Variants in PTPRD observed in about 807,000 individuals in gnomAD.
The protein encoded by PTPRD is protein tyrosine phosphatase receptor type D.
Under a neutral mutation model 214.5 loss-of-function variants are expected in PTPRD, and 34 were observed. The ratio of observed to expected loss-of-function variants is 0.16; its 90% CI spans 0.12 to 0.21. The LOEUF is 0.21. Ranked by LOEUF, PTPRD falls within the 10% of genes least tolerant of loss-of-function variation. PTPRD has a pLI of 1.00. For missense variants in PTPRD, 2,545 were observed against 2,398.7 expected (o/e 1.06, Z -1.27); for synonymous variants, 1,128 against 845.7 (o/e 1.33, Z -5.79).
At chr9:9,947,772 C>G (rs1194291541) in intron 4 of PTPRD, among the ~76,000 whole-genome samples, 1 of 145,070 alleles carries the variant, frequency 6.9e-6, no homozygotes. Context: ...AGAGACTTTT[C>G]CTATAACATG....
intron 10 of PTPRD, among the ~76,000 whole-genome samples, chr9:9,046,708 C>T (rs887831039): frequency 6.6e-6 from 1 of 152,042 alleles, no homozygotes; most frequent in African/African-American, 2.4e-5. Context: ...ATCATGCAGG[C>T]AATTTTGTTA....
chr9:10,306,996 A>T (rs1289496246), intron 3 of PTPRD, among the ~76,000 whole-genome samples: 1 of 152,166 alleles, frequency 6.6e-6, no homozygotes, highest in Non-Finnish European at 1.5e-5. Context: ...TGTTAGATGC[A>T]TAGAATATGT....
rs893481493 is a variant in PTPRD at position 10,422,362 on chromosome 9, G to A, written c.-599-81345C>T. The stretch of plus-strand genomic sequence containing the variant: ...ACCTGAAACCATAAAAACCATACAG[G>A]AAAACCTAGGCAATACCATTCAGGA... On this transcript the variant is annotated intron_variant, in intron 2 of 45. Coordinates refer to ENST00000381196, the MANE Select transcript of PTPRD (RefSeq NM_002839.4). 2.6e-5 allele frequency among the ~76,000 whole-genome samples: 4 copies of A among 151,950 alleles called. No homozygotes were observed. The East Asian group carries it at 7.8e-4, about 30-fold the overall frequency.
chr9:10,105,354 T>C (rs995633310), intron 3 of PTPRD, among the ~76,000 whole-genome samples: 4 of 151,862 alleles, frequency 2.6e-5, no homozygotes, highest in Admixed American at 6.6e-5. Context: ...GTTTTTATGA[T>C]TGCTGCAACA....
intron 3 of PTPRD, among the ~76,000 whole-genome samples, chr9:10,217,714 G>C (rs906884599): frequency 6.6e-6 from 1 of 151,956 alleles, no homozygotes; most frequent in East Asian, 1.9e-4. Flanking sequence ...CATGATGTAA[G>C]AAATTCAACT....
At chr9:8,660,146 A>G (rs1036395118) in intron 12 of PTPRD, among the ~76,000 whole-genome samples, 2 of 152,186 alleles carry the variant, frequency 1.3e-5, no homozygotes, top group African/African-American at 4.8e-5. Context: ...CAGTTTCCCC[A>G]AATATTAACC....
chr9:10,378,521 A>G (rs980291681), intron 2 of PTPRD, among the ~76,000 whole-genome samples: 4 of 152,000 alleles, frequency 2.6e-5, no homozygotes, highest in African/African-American at 9.7e-5. Context: ...CTCTAGTTTC[A>G]TTCTTCTGCA....
At chr9:10,391,624 T>C (rs758212810) in intron 2 of PTPRD, among the ~76,000 whole-genome samples, 2 of 151,788 alleles carry the variant, frequency 1.3e-5, no homozygotes, top group African/African-American at 2.4e-5. Flanking sequence ...CTCAAACCTT[T>C]CCTTGCTCCA....
chr9:9,047,345 TTCAATGCAATCTCTA>T (rs2099674763), intron 10 of PTPRD, among the ~76,000 whole-genome samples: 1 of 152,098 alleles, frequency 6.6e-6, no homozygotes, highest in Non-Finnish European at 1.5e-5. Flanking sequence ...AATCTATAGA[TTCAATGCAATCTCTA>T]TCAAAATACC....
At chr9:9,795,289 T>G (rs2098994657) in intron 5 of PTPRD, among the ~76,000 whole-genome samples, 1 of 152,166 alleles carries the variant, frequency 6.6e-6, no homozygotes, top group Non-Finnish European at 1.5e-5. Flanking sequence ...AGTTTTAGAA[T>G]AGTGGGACCT....
intron 2 of PTPRD, among the ~76,000 whole-genome samples, chr9:10,464,205 C>G (rs1200594546): frequency 6.6e-6 from 1 of 152,012 alleles, no homozygotes; most frequent in Non-Finnish European, 1.5e-5. Flanking sequence ...TCAGACCAGC[C>G]TGACCAACAT....
intron 39 of PTPRD, among the ~76,000 whole-genome samples, chr9:8,372,575 A>C (rs997201247): frequency 3.3e-5 from 5 of 152,004 alleles, no homozygotes; most frequent in Non-Finnish European, 7.4e-5. Context: ...TGTACTCTCA[A>C]TGTTGAGATT....
intron 5 of PTPRD, among the ~76,000 whole-genome samples, chr9:9,786,540 A>T (rs2098925541): frequency 1.3e-5 from 2 of 152,248 alleles, no homozygotes; most frequent in Non-Finnish European, 2.9e-5. Context: ...TGTTATAGGC[A>T]CAGAAGTAAA....
intron 35 of PTPRD, among the ~76,000 whole-genome samples, chr9:8,417,537 T>C (rs1210071893): frequency 6.6e-6 from 1 of 152,198 alleles, no homozygotes; most frequent in Admixed American, 6.5e-5. Flanking sequence ...GGATTTCTAG[T>C]AGAATCTGAA....
At chr9:10,429,415 CA>C (rs1342674595) in intron 2 of PTPRD, among the ~76,000 whole-genome samples, 2 of 151,796 alleles carry the variant, frequency 1.3e-5, no homozygotes. Context: ...TTCACAAAAG[CA>C]AAATATAGAA....
intron 5 of PTPRD, among the ~76,000 whole-genome samples, chr9:9,900,007 C>A (rs1453525178): frequency 6.6e-6 from 1 of 151,962 alleles, no homozygotes. Flanking sequence ...ATAATAGTTA[C>A]CAGAGGCTGG....
In PTPRD at chr9:10,468,921, G is replaced by A. The variant is rs542913724; in HGVS notation, c.-599-127904C>T. 6.6e-5 allele frequency among the ~76,000 whole-genome samples: 10 copies of A among 152,206 alleles called. No homozygotes were observed. In the South Asian group the frequency reaches 1.9e-3, roughly 28 times the overall value. On this transcript the variant is annotated intron_variant, in intron 2 of 45. Coordinates refer to ENST00000381196, the MANE Select transcript of PTPRD (RefSeq NM_002839.4). ...GCCCACAGATTCAGAAAGCCCATTT[G>A]ACAAAAGTCAATATCCATTTATGGA...
rs568529950 is a variant in PTPRD at position 8,834,981 on chromosome 9, G to A, written c.-103-101035C>T. The stretch of plus-strand genomic sequence containing the variant: ...ATGGCTGGTGCTTTTGCCTAAAGAG[G>A]TTGGCATGACTGAACTGAGGAATCT... On this transcript the variant is annotated intron_variant, in intron 11 of 45. Transcript: ENST00000381196. Among the ~76,000 whole-genome samples the A allele has an allele frequency of 3.0e-3, 462 of 152,264 alleles. 2 individuals carry two copies. The highest frequency in any genetic ancestry group is 0.01 in the African/African-American group (420 of 41,534).
intron 8 of PTPRD, among the ~76,000 whole-genome samples, chr9:9,557,321 A>C (rs1273563427): frequency 6.6e-6 from 1 of 152,156 alleles, no homozygotes; most frequent in South Asian, 2.1e-4. Context: ...CAGAGATCTT[A>C]AGAATGACAA....
Sources: gnomAD v4.1 joint callset for allele counts (sites outside exome capture counted in the v4.1 genomes callset) on GRCh38, gnomAD v4.1.1 for gene constraint, MANE v1.5 for transcripts, NCBI Gene and HGNC (gene_info 2026-07-23, HGNC 2026-07-21) for gene names.